Variants in ZZZ3 observed in about 807,000 individuals in gnomAD.
ZZZ3 encodes zinc finger ZZ-type containing 3, also known as ZZ-type zinc finger-containing protein 3.
ZZZ3 carries 22 observed loss-of-function variants against 95.2 expected under a neutral mutation model. That is an observed-to-expected ratio of 0.23 (90% CI 0.17 to 0.33). The LOEUF is 0.33. Ranked by LOEUF, ZZZ3 falls within the 10% of genes least tolerant of loss-of-function variation. The pLI, the probability that ZZZ3 is intolerant of heterozygous loss-of-function variation, is 1.00. For missense variants in ZZZ3, 885 were observed against 1,066.5 expected (o/e 0.83, Z 2.37); for synonymous variants, 335 against 358.9 (o/e 0.93, Z 0.75).
chr1:77,667,538 C>G (rs1158291757), intron 1 of ZZZ3, among the ~76,000 whole-genome samples: 3 of 152,058 alleles, frequency 2.0e-5, no homozygotes, highest in African/African-American at 7.2e-5. Context: ...TTTTTACAAG[C>G]CTTACCTCAT....
intron 1 of ZZZ3, among the ~76,000 whole-genome samples, chr1:77,659,078 C>A (rs1341900054): frequency 6.6e-6 from 1 of 151,856 alleles, no homozygotes; most frequent in Non-Finnish European, 1.5e-5. Context: ...ATTAGCCGGG[C>A]GTAGTGGCAC....
chr1:77,576,021 C>T, intron 12 of ZZZ3, 47 bp downstream of exon 12: 2 of 1,399,108 alleles, frequency 1.4e-6, no homozygotes, highest in Non-Finnish European at 1.9e-6. Flanking sequence ...AAATCCTACT[C>T]TCTTCTATAC....
chr1:77,681,003 A>C (rs1672702369), intron 1 of ZZZ3, among the ~76,000 whole-genome samples: 1 of 152,218 alleles, frequency 6.6e-6, no homozygotes, highest in South Asian at 2.1e-4. Context: ...TACAAACAAA[A>C]AAAATCTGCG....
intron 1 of ZZZ3, among the ~76,000 whole-genome samples, chr1:77,650,633 C>A (rs776899705): frequency 6.8e-6 from 1 of 148,098 alleles, no homozygotes. Context: ...AAAGGAAGGT[C>A]TCAATGATGT....
rs553075795 is a variant in ZZZ3, at chr1:77,660,499, G to A, written c.-402-18844C>T. On this transcript the variant is annotated intron_variant, in intron 1 of 14. Coordinates refer to ENST00000370801, the MANE Select transcript of ZZZ3 (RefSeq NM_015534.6). ...CAGTATCTTTTTGTGACTGGCTCAT[G>A]TCACTTAACATAATGTCCTCAAGGT... Among the ~76,000 whole-genome samples the A allele has an allele frequency of 6.6e-5, 10 of 152,258 alleles. No homozygotes were observed. The South Asian group carries it at 2.1e-3, about 32-fold the overall frequency.
chr1:77,626,613 C>T (rs1667359612), intron 5 of ZZZ3, among the ~76,000 whole-genome samples: 1 of 152,160 alleles, frequency 6.6e-6, no homozygotes, highest in African/African-American at 2.4e-5. Context: ...AGCCCAGTTC[C>T]TAACAGGCCA....
chr1:77,602,646 C>T (rs1161138374), intron 5 of ZZZ3, among the ~76,000 whole-genome samples: 1 of 131,290 alleles, frequency 7.6e-6, no homozygotes, highest in Non-Finnish European at 1.5e-5. Context: ...TGCTCAGCTG[C>T]TCAGGCTGAA....
chr1:77,584,811 T>C, intron 5 of ZZZ3, 156 bp from the exon 6 acceptor site: 1 of 460,600 alleles, frequency 2.2e-6, no homozygotes. Context: ...AAATGAGGTC[T>C]TCCTGAGTTA....
chr1:77,624,076 C>T (rs1667122585), intron 5 of ZZZ3, among the ~76,000 whole-genome samples: 1 of 152,162 alleles, frequency 6.6e-6, no homozygotes, highest in Non-Finnish European at 1.5e-5. Context: ...CCTAAGCCTA[C>T]TTGTGAAATA....
chr1:77,573,608 A>G (rs982243103), intron 12 of ZZZ3, among the ~76,000 whole-genome samples: 3 of 152,240 alleles, frequency 2.0e-5, no homozygotes, highest in Admixed American at 6.5e-5. Flanking sequence ...TAATAATCAC[A>G]AAGTATGAAA....
chr1:77,586,594 TAAAA>T (rs113201262), intron 5 of ZZZ3, among the ~76,000 whole-genome samples: 4 of 151,812 alleles, frequency 2.6e-5, no homozygotes, highest in African/African-American at 9.7e-5. Flanking sequence ...AAATCTGACT[TAAAA>T]AAAAATTCCA....
intron 5 of ZZZ3, among the ~76,000 whole-genome samples, chr1:77,613,029 A>G (rs1445343923): frequency 6.6e-6 from 1 of 152,016 alleles, no homozygotes; most frequent in Non-Finnish European, 1.5e-5. Flanking sequence ...TATGTATCCT[A>G]TAACATATTA....
At chr1:77,636,101 T>C (rs778873162) in intron 4 of ZZZ3, among the ~76,000 whole-genome samples, 3 of 152,172 alleles carry the variant, frequency 2.0e-5, no homozygotes, top group African/African-American at 2.4e-5. Flanking sequence ...CTAATACATA[T>C]TATCTTTAAT....
rs1251383755 is a variant in ZZZ3 at position 77,639,465 on chromosome 1, C to G, written c.-68G>C. On this transcript the variant is annotated 5_prime_UTR_variant, in exon 4 of 15. Transcript: ENST00000370801. ...ATAACTTACCTGTACAACCAAAGATCTATCATTGTGGAAATATAATCTCTT... is the reference window on the plus strand; with the variant it reads ...ATAACTTACCTGTACAACCAAAGATGTATCATTGTGGAAATATAATCTCTT... 12 of 1,517,452 alleles carry G rather than the reference C, an allele frequency of 7.9e-6. No individual in the cohort carries two copies. The highest frequency in any genetic ancestry group is 1.1e-5 in the Non-Finnish European group (12 of 1,132,006). The allele number at this position is 1,517,452 out of a possible 1,614,324, so 94.0% of individuals were successfully genotyped here.
chr1:77,587,258 C>CTTTTTTTTT (rs34952237), intron 5 of ZZZ3, among the ~76,000 whole-genome samples: 1 of 85,260 alleles, frequency 1.2e-5, no homozygotes, highest in Admixed American at 1.6e-4. Context: ...AACTTTGACC[C>CTTTTTTTTT]TTTTTTTTTT....
intron 5 of ZZZ3, among the ~76,000 whole-genome samples, chr1:77,590,073 AT>A (rs1381048692): frequency 6.6e-6 from 1 of 152,174 alleles, no homozygotes; most frequent in Non-Finnish European, 1.5e-5. Context: ...AAATAGTGTC[AT>A]TAAAAACAAA....
At chr1:77,654,018 C>T (rs147953675) in intron 1 of ZZZ3, among the ~76,000 whole-genome samples, 3,772 of 151,714 alleles carry the variant, frequency 0.025, 49 homozygotes, top group Middle Eastern at 0.078. Context: ...GAAACCCCGT[C>T]TCTACTAAAA....
intron 1 of ZZZ3, among the ~76,000 whole-genome samples, chr1:77,674,633 G>C (rs1229118812): frequency 6.6e-6 from 1 of 151,960 alleles, no homozygotes; most frequent in East Asian, 1.9e-4. Context: ...TAAAAAGAAG[G>C]AAAAAGAGGA....
chr1:77,650,695 C>T (rs1169124444), intron 1 of ZZZ3, among the ~76,000 whole-genome samples: 1 of 147,746 alleles, frequency 6.8e-6, no homozygotes, highest in Non-Finnish European at 1.5e-5. Flanking sequence ...CTATAATCCA[C>T]AGAAAAAGAA....
Sources: allele counts gnomAD v4.1 joint callset (sites outside exome capture counted in the v4.1 genomes callset), GRCh38; gene constraint gnomAD v4.1.1; transcripts MANE v1.5; gene names NCBI Gene and HGNC (gene_info 2026-07-23, HGNC 2026-07-21).